The following EVL variants were observed in gnomAD, a reference collection of about 807,000 sequenced individuals.
The protein encoded by EVL is Enah/Vasp-like, also known as ena/VASP-like protein.
In EVL, 21 loss-of-function variants were observed where a neutral mutation model predicts 59.6. That is an observed-to-expected ratio of 0.35 (90% CI 0.25 to 0.51). EVL has a LOEUF of 0.51. Ranked by LOEUF, EVL falls within the 20% of genes least tolerant of loss-of-function variation. EVL has a pLI of 0.97. For synonymous variants in EVL, 198 were observed against 203.5 expected, an observed-to-expected ratio of 0.97 and a Z score of 0.23; for missense variants, 462 against 546.6, an observed-to-expected ratio of 0.85 and a Z score of 1.54.
intron 3 of EVL, among the ~76,000 whole-genome samples, chr14:100,117,362 C>T (rs932428750): frequency 2.0e-5 from 3 of 151,926 alleles, no homozygotes; most frequent in Non-Finnish European, 2.9e-5. Context: ...GAAGGGGCTC[C>T]GCCAGGGGGC....
rs1467820294 is a variant in EVL, at chr14:100,102,367, C to A, written c.358+4709C>A. 4 of 456,058 alleles carry A rather than the reference C, an allele frequency of 8.8e-6. No individual in the cohort carries two copies. In the Admixed American group the frequency reaches 9.4e-5, roughly 11 times the overall value. The allele number at this position is 456,058 out of a possible 1,614,324, so 28.3% of individuals were successfully genotyped here. The stretch of plus-strand genomic sequence containing the variant: ...CCTTCCACAAATGAATGGAGGCAGC[C>A]TAACGTCATGTGGTATGTTCCAGGC... On this transcript the variant is annotated intron_variant, in intron 3 of 13. Transcript: ENST00000392920.
At chr14:100,099,995 C>T (rs1485306210) in intron 3 of EVL, among the ~76,000 whole-genome samples, 7 of 79,208 alleles carry the variant, frequency 8.8e-5, no homozygotes, top group Non-Finnish European at 1.3e-4. Context: ...ATGCAGATAC[C>T]TTGGGGGCAA....
intron 1 of EVL, among the ~76,000 whole-genome samples, chr14:100,072,762 T>A (rs1456125868): frequency 6.6e-6 from 1 of 152,192 alleles, no homozygotes; most frequent in Non-Finnish European, 1.5e-5. Context: ...AGAGTGTCCC[T>A]TACATGTTCC....
intron 4 of EVL, 85 bp from the exon 5 acceptor site, chr14:100,126,622 G>C: frequency 6.9e-7 from 1 of 1,457,492 alleles, no homozygotes; most frequent in Non-Finnish European, 9.5e-7. Context: ...CTCTGAAGCC[G>C]GGGCCGGCGG....
At chr14:100,004,987 C>G (rs1483574111) in intron 1 of EVL, among the ~76,000 whole-genome samples, 1 of 152,148 alleles carries the variant, frequency 6.6e-6, no homozygotes, top group African/African-American at 2.4e-5. Flanking sequence ...GTATTTATTT[C>G]ATTACATTTA....
At position 100,126,760 on chromosome 14, in the gene EVL, C is replaced by A. The variant is rs1169316347; in HGVS notation, c.476C>A (p.Thr159Asn). The A allele has an allele frequency of 2.5e-6, 4 of 1,613,850 alleles. No individual in the cohort carries two copies. The highest frequency in any genetic ancestry group is 2.5e-6 in the Non-Finnish European group (3 of 1,180,002). The change falls in exon 5 of 14, where the codon ACC (threonine) becomes AAC (asparagine). Residue 159 changes from threonine (T) to asparagine (N), a missense_variant. By Grantham distance (65) the Thr-to-Asn change is moderately conservative. Coordinates refer to ENST00000392920, the MANE Select transcript of EVL (RefSeq NM_016337.3). ...QQRQESLERR[T>N]SATGPILPPG... is the part of the protein sequence containing the mutation. ...CGTCAGGAATCTCTAGAAAGAAGAACCTCGGCCACAGGTGAGAGCCCTCCT... is the reference window on the plus strand; with the variant it reads ...CGTCAGGAATCTCTAGAAAGAAGAAACTCGGCCACAGGTGAGAGCCCTCCT...
chr14:100,091,006 AATATT>A (rs1264426233), intron 2 of EVL, among the ~76,000 whole-genome samples: 30 of 152,240 alleles, frequency 2.0e-4, no homozygotes, highest in Admixed American at 3.3e-4. Flanking sequence ...AATATATACT[AATATT>A]ATATTAAGTG....
At chr14:100,027,537 C>T (rs2061234574) in intron 1 of EVL, among the ~76,000 whole-genome samples, 3 of 152,104 alleles carry the variant, frequency 2.0e-5, no homozygotes, top group African/African-American at 4.8e-5. Context: ...TTTCACTTAA[C>T]GTAATGTCCT....
chr14:100,113,804 G>T (rs986666643), intron 3 of EVL, among the ~76,000 whole-genome samples: 1 of 152,138 alleles, frequency 6.6e-6, no homozygotes, highest in Non-Finnish European at 1.5e-5. Context: ...GAGGAGAGAG[G>T]TTTGGTGGGA....
At chr14:100,036,519 G>C (rs571923819) in intron 1 of EVL, among the ~76,000 whole-genome samples, 1 of 152,164 alleles carries the variant, frequency 6.6e-6, no homozygotes, top group East Asian at 1.9e-4. Flanking sequence ...TGTGCACTCA[G>C]GTATTTAACT....
intron 3 of EVL, among the ~76,000 whole-genome samples, chr14:100,100,049 A>T (rs886541663): frequency 8.6e-5 from 13 of 151,918 alleles, no homozygotes; most frequent in Non-Finnish European, 1.5e-5. Flanking sequence ...CTTAAATTAA[A>T]TAAAAACTGC....
chr14:100,050,007 T>C (rs763492556), intron 1 of EVL, among the ~76,000 whole-genome samples: 5 of 152,216 alleles, frequency 3.3e-5, no homozygotes, highest in Non-Finnish European at 5.9e-5. Flanking sequence ...GTTGCACACA[T>C]TTTCTGGCCC....
chr14:100,070,088 GAAAAT>G (rs2062018206), intron 1 of EVL, among the ~76,000 whole-genome samples: 1 of 149,448 alleles, frequency 6.7e-6, no homozygotes, highest in East Asian at 2.0e-4. Context: ...AAGAAAGAAA[GAAAAT>G]AAAATTAAAA....
intron 11 of EVL, 165 bp downstream of exon 11, chr14:100,137,967 G>A (rs1326583401): frequency 3.0e-6 from 2 of 659,448 alleles, no homozygotes; most frequent in Non-Finnish European, 5.3e-6. Context: ...GGTCCTGTCA[G>A]TCAGCTGCTC....
At chr14:100,075,888 T>C (rs56265534) in intron 1 of EVL, among the ~76,000 whole-genome samples, 2,712 of 152,326 alleles carry the variant, frequency 0.018, 35 homozygotes, top group Non-Finnish European at 0.027. Flanking sequence ...TAACTCCTCC[T>C]ACAAAGCCTG....
intron 1 of EVL, among the ~76,000 whole-genome samples, chr14:100,048,747 AAAAC>A (rs529080887): frequency 7.9e-5 from 12 of 152,338 alleles, no homozygotes; most frequent in East Asian, 1.9e-4. Flanking sequence ...ACTCTGCAAA[AAAAC>A]AAACAAAAAA....
At chr14:100,064,684 G>A (rs2061895077), upstream of EVL, among the ~76,000 whole-genome samples, 1 of 152,246 alleles carries the variant, frequency 6.6e-6, no homozygotes, top group Admixed American at 6.5e-5. Flanking sequence ...GCCAAGGCAG[G>A]CGGATCACCT....
In EVL at chr14:100,116,638, C is replaced by T. The variant is rs1312797413; in HGVS notation, c.359-6901C>T. 2.6e-5 allele frequency among the ~76,000 whole-genome samples: 4 copies of T among 152,240 alleles called. 1 individual carries two copies. The highest frequency in any genetic ancestry group is 9.6e-5 in the African/African-American group (4 of 41,530). On this transcript the variant is annotated intron_variant, in intron 3 of 13. Coordinates refer to ENST00000392920, the MANE Select transcript of EVL (RefSeq NM_016337.3). ...TACCTCAGACAGGAGCCACACCGCTCCCTGCCTACCCCGCGCCCACCATAC... is the reference window on the plus strand; with the variant it reads ...TACCTCAGACAGGAGCCACACCGCTTCCTGCCTACCCCGCGCCCACCATAC...
At chr14:100,057,359 G>A (rs1355702296) in intron 1 of EVL, among the ~76,000 whole-genome samples, 1 of 152,170 alleles carries the variant, frequency 6.6e-6, no homozygotes, top group Non-Finnish European at 1.5e-5. Context: ...CCATATTACA[G>A]TCCCCCTAAG....
Sources: allele counts gnomAD v4.1 joint callset (sites outside exome capture counted in the v4.1 genomes callset), GRCh38; gene constraint gnomAD v4.1.1; transcripts MANE v1.5; gene names NCBI Gene and HGNC (gene_info 2026-07-23, HGNC 2026-07-21).